The following PACRG variants were observed in gnomAD, a reference collection of about 807,000 sequenced individuals.
PACRG encodes the protein parkin coregulated gene protein.
In PACRG, 29 loss-of-function variants were observed where a neutral mutation model predicts 29.7. That is an observed-to-expected ratio of 0.98 (90% CI 0.73 to 1.33). The LOEUF is 1.33. Among genes scored for constraint, PACRG ranks in the 40% most tolerant of loss-of-function variants. PACRG has a pLI of 0.00. For missense variants in PACRG, 279 were observed against 316.2 expected, an observed-to-expected ratio of 0.88 and a Z score of 0.89; for synonymous variants, 116 against 118.7, an observed-to-expected ratio of 0.98 and a Z score of 0.15.
chr6:162,860,933 TTAAAATTAAGTCTGTTA>T (rs1350032498), intron 2 of PACRG, among the ~76,000 whole-genome samples: 7 of 152,292 alleles, frequency 4.6e-5, no homozygotes, highest in Admixed American at 3.9e-4. Context: ...TTTTCCCTGA[TTAAAATTAAGTCTGTTA>T]GTTGCTTTTT....
At chr6:162,942,401 A>T (rs937699984) in intron 2 of PACRG, among the ~76,000 whole-genome samples, 19 of 151,912 alleles carry the variant, frequency 1.3e-4, no homozygotes, top group Non-Finnish European at 2.8e-4. Context: ...TACTATGTTT[A>T]CTTTTCATTC....
chr6:162,741,779 T>G (rs1458610858), intron 1 of PACRG, among the ~76,000 whole-genome samples: 2 of 152,168 alleles, frequency 1.3e-5, no homozygotes, highest in African/African-American at 2.4e-5. Flanking sequence ...TGAAACAATA[T>G]TTCTATAAAC....
intron 2 of PACRG, among the ~76,000 whole-genome samples, chr6:162,971,217 C>A (rs1801503088): frequency 6.6e-6 from 1 of 152,210 alleles, no homozygotes; most frequent in Non-Finnish European, 1.5e-5. Flanking sequence ...GTCAAAGGAG[C>A]TAAGCTCTGT....
At chr6:162,833,907 G>A (rs77183043) in intron 2 of PACRG, among the ~76,000 whole-genome samples, 1,671 of 152,134 alleles carry the variant, frequency 0.011, 15 homozygotes, top group Non-Finnish European at 0.018. Flanking sequence ...TAACTGTACA[G>A]TTCAAGTTGT....
intron 1 of PACRG, among the ~76,000 whole-genome samples, chr6:162,796,567 T>C (rs1474217499): frequency 1.3e-5 from 2 of 152,150 alleles, no homozygotes; most frequent in Non-Finnish European, 2.9e-5. Context: ...ATAATTAATA[T>C]ACTTTCTCTT....
Position 162,934,382 on chromosome 6 carries a change from C to T in PACRG, c.291+120101C>T, listed in dbSNP as rs574955821. 2.6e-5 allele frequency among the ~76,000 whole-genome samples: 4 copies of T among 152,252 alleles called. No individual in the cohort carries two copies. In the South Asian group the frequency reaches 6.2e-4, roughly 24 times the overall value. On this transcript the variant is annotated intron_variant, in intron 2 of 4. Transcript: ENST00000366888. ...ATGGCTCAAACACCTTCCATTAGGC[C>T]CCACCTTTAAAATTGGGGATCAAAT...
chr6:163,256,596 G>A (rs1222795517), intron 4 of PACRG, among the ~76,000 whole-genome samples: 1 of 152,156 alleles, frequency 6.6e-6, no homozygotes, highest in South Asian at 2.1e-4. Flanking sequence ...TGAGGAAAAC[G>A]TTCCAGCCCA....
At chr6:163,150,392 C>T (rs748029357) in intron 4 of PACRG, among the ~76,000 whole-genome samples, 13 of 152,210 alleles carry the variant, frequency 8.5e-5, no homozygotes, top group Non-Finnish European at 1.8e-4. Context: ...TCCTCCTCTA[C>T]AGGCTTCTGT....
At chr6:163,201,558 C>T (rs1361591311) in intron 4 of PACRG, among the ~76,000 whole-genome samples, 2 of 152,188 alleles carry the variant, frequency 1.3e-5, no homozygotes, top group East Asian at 3.9e-4. Context: ...GCTCCCTAAC[C>T]CCTACTCATC....
At chr6:163,212,752 G>GTA (rs56896300) in intron 4 of PACRG, among the ~76,000 whole-genome samples, 2,112 of 151,484 alleles carry the variant, frequency 0.014, 64 homozygotes, top group African/African-American at 0.048. Context: ...ATAAAGGGAA[G>GTA]AAGAGTAACT....
intron 3 of PACRG, among the ~76,000 whole-genome samples, chr6:163,081,612 C>T (rs1813083148): frequency 6.6e-6 from 1 of 152,036 alleles, no homozygotes; most frequent in African/African-American, 2.4e-5. Context: ...AAAAATTAGC[C>T]AGCCATGGTG....
intron 4 of PACRG, among the ~76,000 whole-genome samples, chr6:163,282,067 G>GA (rs1784243056): frequency 6.6e-6 from 1 of 151,986 alleles, no homozygotes; most frequent in African/African-American, 2.4e-5. Flanking sequence ...TGGGTCACTT[G>GA]AAAAAAAGGG....
chr6:162,823,301 G>A (rs183072964), intron 2 of PACRG, among the ~76,000 whole-genome samples: 190 of 151,920 alleles, frequency 1.3e-3, no homozygotes, highest in Admixed American at 4.3e-3. Context: ...TAAGCTTATT[G>A]TCTACTTACT....
intron 2 of PACRG, among the ~76,000 whole-genome samples, chr6:162,898,531 A>G (rs941664007): frequency 4.6e-5 from 7 of 152,360 alleles, no homozygotes; most frequent in Middle Eastern, 6.8e-3. Flanking sequence ...GTGATTATGA[A>G]CACAGGCTCT....
At chr6:162,736,942 T>C (rs769316769) in intron 1 of PACRG, among the ~76,000 whole-genome samples, 4 of 152,186 alleles carry the variant, frequency 2.6e-5, no homozygotes, top group Non-Finnish European at 5.9e-5. Flanking sequence ...TGTCTTTCAC[T>C]TAGGTTGTTT....
At chr6:163,031,357 A>T (rs904621107) in intron 2 of PACRG, among the ~76,000 whole-genome samples, 1 of 152,212 alleles carries the variant, frequency 6.6e-6, no homozygotes, top group Non-Finnish European at 1.5e-5. Context: ...CAGAATTAGA[A>T]CACTGATTTA....
Position 163,038,888 on chromosome 6 carries a change from A to G in PACRG, c.292-23262A>G, listed in dbSNP as rs567159567. Among the ~76,000 whole-genome samples the G allele has an allele frequency of 4.6e-5, 7 of 152,304 alleles. No homozygotes were observed. The South Asian group carries it at 1.2e-3, about 27-fold the overall frequency. On this transcript the variant is annotated intron_variant, in intron 2 of 4. Transcript: ENST00000366888. ...ACAGTTACATGACTTTAGGTTTACA[A>G]TTCCATAAAATTGTGTGTTTCAGGT...
intron 2 of PACRG, among the ~76,000 whole-genome samples, chr6:162,945,918 T>C (rs1798968308): frequency 6.6e-6 from 1 of 152,004 alleles, no homozygotes; most frequent in Non-Finnish European, 1.5e-5. Flanking sequence ...GACCACTGGG[T>C]CATGGAAGAA....
rs532054090 is a variant in PACRG at position 163,307,408 on chromosome 6, A to C, written c.614-7419A>C. On this transcript the variant is annotated intron_variant, in intron 4 of 4. Transcript: ENST00000366888. ...GAAAGAAATCTTGTGAATTTCATTA[A>C]TGTCAACAAGATCTGAGAAGATTTG... Among the ~76,000 whole-genome samples the C allele has an allele frequency of 5.3e-5, 8 of 152,360 alleles. No homozygotes were observed. The East Asian group carries it at 1.3e-3, about 26-fold the overall frequency.
Sources: allele counts gnomAD v4.1 joint callset (sites outside exome capture counted in the v4.1 genomes callset), GRCh38; gene constraint gnomAD v4.1.1; transcripts MANE v1.5; gene names NCBI Gene and HGNC (gene_info 2026-07-23, HGNC 2026-07-21).